Variants in NDRG3 observed in about 807,000 individuals in gnomAD.
NDRG3 encodes the protein NDRG family member 3.
In NDRG3, 23 loss-of-function variants were observed where a neutral mutation model predicts 57.2. The ratio of observed to expected loss-of-function variants is 0.40; its 90% CI spans 0.29 to 0.57. NDRG3 has a LOEUF of 0.57. Among genes scored for constraint, NDRG3 ranks in the 20% least tolerant of loss-of-function variants. The pLI is 0.42. For synonymous variants in NDRG3, 132 were observed against 162.6 expected (o/e 0.81, Z 1.43); for missense variants, 384 against 457.3 (o/e 0.84, Z 1.46).
chr20:36,666,704 ATTC>A (rs1979665263), intron 9 of NDRG3, among the ~76,000 whole-genome samples: 1 of 152,196 alleles, frequency 6.6e-6, no homozygotes, highest in Non-Finnish European at 1.5e-5. Context: ...ATGTTCTGCC[ATTC>A]TTCACAAAAA....
At chr20:36,712,581 A>ATT (rs1568660373) in intron 2 of NDRG3, among the ~76,000 whole-genome samples, 23 of 13,400 alleles carry the variant, frequency 1.7e-3, no homozygotes, top group African/African-American at 3.4e-3. Flanking sequence ...ATATATATAT[A>ATT]TATATATTTT....
At chr20:36,710,370 G>C (rs890455384) in intron 2 of NDRG3, among the ~76,000 whole-genome samples, 5 of 151,992 alleles carry the variant, frequency 3.3e-5, no homozygotes, top group East Asian at 1.9e-4. Flanking sequence ...AATAGCAGCT[G>C]CTTCTGCAGA....
intron 8 of NDRG3, among the ~76,000 whole-genome samples, chr20:36,680,607 G>GT (rs1219852067): frequency 6.6e-6 from 1 of 152,120 alleles, no homozygotes; most frequent in Admixed American, 6.6e-5. Context: ...AGGAGAGGAA[G>GT]TATCAATTAG....
chr20:36,665,283 G>T lies in NDRG3; in HGVS notation c.711C>A (p.Ile237=). ...NSYNGRRDLE[I]ERPILGQNDN... is the part of the protein sequence containing the mutation. The stretch of plus-strand genomic sequence containing the variant: ...CATTTTGGCCCAGTATGGGTCTTTC[G>T]ATCTCCAGGTCTCTGCGTCTAGAAA... Residue 237 remains isoleucine (I), a synonymous_variant, in exon 11 of 16, where the codon ATC becomes ATA. Coordinates refer to ENST00000349004, the MANE Select transcript of NDRG3 (RefSeq NM_032013.4). 6.2e-7 allele frequency: 1 copy of T among 1,614,084 alleles called. No individual in the cohort carries two copies. Among genetic ancestry groups the T allele is most frequent in the Non-Finnish European group, 8.5e-7 (1 of 1,179,972 alleles).
rs529220555 is a variant in NDRG3, at chr20:36,697,384, C to A, written c.94-8600G>T. ...TCCTTTGTGGCAGGTTTTTTCCCCC[C>A]CAAGAATAGGGCACTTTTGTCTGCA... On this transcript the variant is annotated intron_variant, in intron 3 of 15. Coordinates refer to ENST00000349004, the MANE Select transcript of NDRG3 (RefSeq NM_032013.4). 1.6e-4 allele frequency among the ~76,000 whole-genome samples: 24 copies of A among 152,194 alleles called. 1 individual carries two copies. Among genetic ancestry groups the A allele is most frequent in the African/African-American group, 5.5e-4 (23 of 41,532 alleles).
intron 5 of NDRG3, among the ~76,000 whole-genome samples, chr20:36,686,985 G>C (rs1039629277): frequency 6.6e-6 from 1 of 152,046 alleles, no homozygotes; most frequent in African/African-American, 2.4e-5. Flanking sequence ...CTCCCAAGCA[G>C]ACACGACCAC....
At chr20:36,737,882 G>A (rs1163747726) in intron 1 of NDRG3, among the ~76,000 whole-genome samples, 1 of 152,008 alleles carries the variant, frequency 6.6e-6, no homozygotes, top group Non-Finnish European at 1.5e-5. Flanking sequence ...TGGCCAACAT[G>A]GTGAAACTCA....
intron 12 of NDRG3, 102 bp from the exon 13 acceptor site, chr20:36,660,486 C>G: frequency 1.4e-6 from 1 of 704,352 alleles, no homozygotes; most frequent in Middle Eastern, 2.9e-4. Flanking sequence ...ACAGCTCAGT[C>G]TGGAGAAGGC....
At chr20:36,712,648 T>A (rs1362676001) in intron 2 of NDRG3, among the ~76,000 whole-genome samples, 1 of 129,992 alleles carries the variant, frequency 7.7e-6, no homozygotes, top group Non-Finnish European at 1.6e-5. Context: ...CAGGCTGGAG[T>A]GCAGCGGCAT....
At chr20:36,684,520 T>TCCCTCTCCCTCTCCCTC in intron 5 of NDRG3, 45 bp from the exon 6 acceptor site, 4 of 1,529,762 alleles carry the variant, frequency 2.6e-6, no homozygotes, top group Non-Finnish European at 3.6e-6. Context: ...GCACTCACAA[T>TCCCTCTCCCTCTCCCTC]TCCCAGTTGC....
At chr20:36,744,822 G>C (rs376010378) in intron 1 of NDRG3, among the ~76,000 whole-genome samples, 1 of 152,094 alleles carries the variant, frequency 6.6e-6, no homozygotes, top group African/African-American at 2.4e-5. Flanking sequence ...AGAAAGCCTC[G>C]GACAGAAAGC....
intron 3 of NDRG3, among the ~76,000 whole-genome samples, chr20:36,705,710 T>C (rs966790575): frequency 6.6e-5 from 10 of 152,054 alleles, no homozygotes; most frequent in African/African-American, 2.4e-4. Context: ...TCCAGTTCCA[T>C]GTACTTATTT....
At chr20:36,664,673 T>C (rs1468935475) in intron 12 of NDRG3, among the ~76,000 whole-genome samples, 1 of 152,206 alleles carries the variant, frequency 6.6e-6, no homozygotes, top group Non-Finnish European at 1.5e-5. Flanking sequence ...CGACTGTTTC[T>C]AGTGTGTCAG....
At chr20:36,668,970 C>T (rs1039862593) in intron 9 of NDRG3, among the ~76,000 whole-genome samples, 1 of 151,804 alleles carries the variant, frequency 6.6e-6, no homozygotes, top group Non-Finnish European at 1.5e-5. Context: ...AGGCTGGTCT[C>T]GAATTATGGG....
chr20:36,667,202 ATAAT>A lies in NDRG3; in HGVS notation c.589-814_589-811del, dbSNP rs545509302. 1.3e-4 allele frequency among the ~76,000 whole-genome samples: 20 copies of A among 152,342 alleles called. No individual in the cohort carries two copies. In the South Asian group the frequency reaches 4.1e-3, roughly 32 times the overall value. On this transcript the variant is annotated intron_variant, in intron 9 of 15. Transcript: ENST00000349004. ...ACCACCATTTAATATTACACATTGT[ATAAT>A]TATATATTCCATTGCGTTTATGACA...
At position 36,733,203 on chromosome 20, in the gene NDRG3, T is replaced by TATATATATATGC. The variant is rs1490119338; in HGVS notation, c.-48-11421_-48-11420insGCATATATATAT. On this transcript the variant is annotated intron_variant, in intron 1 of 15. Coordinates refer to ENST00000349004, the MANE Select transcript of NDRG3 (RefSeq NM_032013.4). ...ATATATATATATATATATATATATA[T>TATATATATATGC]GCACATATAAATTTCTTTGTTAGTT... 2.3e-5 allele frequency among the ~76,000 whole-genome samples: 3 copies of TATATATATATGC among 130,202 alleles called. No homozygotes were observed. In the East Asian group the frequency reaches 8.2e-4, roughly 36 times the overall value. 85.4% of individuals were successfully genotyped at this position (130,202 alleles called of 152,430 possible). A position where few individuals can be genotyped will look rare whatever the true frequency, so the allele number is the denominator to read the frequency against.
Position 36,742,812 on chromosome 20 carries a change from G to A in NDRG3, c.-49+3233C>T, listed in dbSNP as rs571600238. On this transcript the variant is annotated intron_variant, in intron 1 of 15. Coordinates refer to ENST00000349004, the MANE Select transcript of NDRG3 (RefSeq NM_032013.4). The stretch of plus-strand genomic sequence containing the variant: ...CTGTGAATCTTCCACCATATCAGGC[G>A]CCATACATCCATGCCTTACCCATAG... Among the ~76,000 whole-genome samples the A allele has an allele frequency of 2.6e-5, 4 of 152,184 alleles. No homozygotes were observed. In the East Asian group the frequency reaches 5.8e-4, roughly 22 times the overall value.
At chr20:36,724,279 AAGTGTGAACCACCTAGAG>A (rs1305302228) in intron 1 of NDRG3, among the ~76,000 whole-genome samples, 1 of 152,190 alleles carries the variant, frequency 6.6e-6, no homozygotes, top group Non-Finnish European at 1.5e-5. Flanking sequence ...AATATTCCAA[AAGTGTGAACCACCTAGAG>A]ACCACAAATT....
intron 3 of NDRG3, among the ~76,000 whole-genome samples, chr20:36,691,610 G>A (rs1173028838): frequency 1.5e-4 from 23 of 152,136 alleles, no homozygotes; most frequent in Non-Finnish European, 5.9e-5. Context: ...CTACTTAGGA[G>A]GGTGAGGCAG....
Sources: gnomAD v4.1 joint callset for allele counts (sites outside exome capture counted in the v4.1 genomes callset) on GRCh38, gnomAD v4.1.1 for gene constraint, MANE v1.5 for transcripts, NCBI Gene and HGNC (gene_info 2026-07-23, HGNC 2026-07-21) for gene names.